TBC1D30: variants seen among roughly 807,000 people sequenced by gnomAD.
TBC1D30 encodes TBC1 domain family member 30.
Under a neutral mutation model 63.2 loss-of-function variants are expected in TBC1D30, and 31 were observed. The ratio of observed to expected loss-of-function variants is 0.49; its 90% CI spans 0.37 to 0.66. The LOEUF (loss-of-function observed/expected upper bound fraction) is 0.66. Among genes scored for constraint, TBC1D30 ranks in the 30% least tolerant of loss-of-function variants. TBC1D30 has a pLI of 0.00. For missense variants in TBC1D30, 810 were observed against 953.6 expected (o/e 0.85, Z 1.98); for synonymous variants, 307 against 361.5 (o/e 0.85, Z 1.71).
In TBC1D30 at chr12:64,879,941, AT is replaced by A. The variant is rs1879348410; in HGVS notation, c.*4154del. The A allele has an allele frequency of 1.3e-5, 2 of 152,330 alleles. No homozygotes were observed. The highest frequency in any genetic ancestry group is 3.9e-4 in the East Asian group (2 of 5,188). 9.4% of individuals were successfully genotyped at this position (152,330 alleles called of 1,614,324 possible). ...TATGCAGTAAAAGCTTTATGTGCAA[AT>A]GTTCATTGAAGTATTAAATGTACTA... On this transcript the variant is annotated 3_prime_UTR_variant, in exon 12 of 12. Coordinates refer to ENST00000539867, the MANE Select transcript of TBC1D30 (RefSeq NM_015279.2).
At chr12:64,853,061 C>T (rs760520720) in intron 8 of TBC1D30, among the ~76,000 whole-genome samples, 4 of 152,220 alleles carry the variant, frequency 2.6e-5, no homozygotes, top group South Asian at 2.1e-4. Context: ...CAGGGAGGAA[C>T]ATTTAAGTCT....
At chr12:64,827,424 TAC>T (rs1423179095) in intron 1 of TBC1D30, among the ~76,000 whole-genome samples, 2 of 152,238 alleles carry the variant, frequency 1.3e-5, no homozygotes, top group Non-Finnish European at 2.9e-5. Flanking sequence ...ATAGCCACTA[TAC>T]TTCAGCCTGG....
At chr12:64,795,067 T>G (rs1357692659) in intron 2 of TBC1D30, among the ~76,000 whole-genome samples, 1 of 152,234 alleles carries the variant, frequency 6.6e-6, no homozygotes, top group Non-Finnish European at 1.5e-5. Flanking sequence ...TGTCTGCTCA[T>G]AAGTAAGTGT....
chr12:64,821,508 A>G (rs1873885500), upstream of TBC1D30, among the ~76,000 whole-genome samples: 1 of 152,214 alleles, frequency 6.6e-6, no homozygotes, highest in Non-Finnish European at 1.5e-5. Flanking sequence ...AGATTTGAGC[A>G]TATGAGAGGT....
chr12:64,807,917 A>ATTTTTTTTTTTTTTTT (rs1175968255), intron 2 of TBC1D30, among the ~76,000 whole-genome samples: 3 of 49,508 alleles, frequency 6.1e-5, no homozygotes, highest in African/African-American at 3.9e-4. Context: ...GCCTAATTTA[A>ATTTTTTTTTTTTTTTT]GTTTTTTTTT....
At chr12:64,819,257 G>A (rs1295094237) in intron 2 of TBC1D30, among the ~76,000 whole-genome samples, 2 of 152,028 alleles carry the variant, frequency 1.3e-5, no homozygotes, top group Admixed American at 1.3e-4. Flanking sequence ...TCCCATGTAG[G>A]TAATGTGATC....
In TBC1D30 at chr12:64,864,443, C is replaced by T. The variant is rs1303796016; in HGVS notation, c.1039-225C>T. Among the ~76,000 whole-genome samples the T allele has an allele frequency of 2.0e-5, 3 of 152,164 alleles. No homozygotes were observed. The East Asian group carries it at 5.8e-4, about 29-fold the overall frequency. On this transcript the variant is annotated intron_variant, in intron 8 of 11. Coordinates refer to ENST00000539867, the MANE Select transcript of TBC1D30 (RefSeq NM_015279.2). ...CACCCTTGTTTACCAGTTGGAATGC[C>T]CAGCTGCAGCTGGGTTGATTTGAGA...
intron 7 of TBC1D30, among the ~76,000 whole-genome samples, chr12:64,841,280 G>A (rs1041750477): frequency 6.6e-6 from 1 of 152,058 alleles, no homozygotes; most frequent in African/African-American, 2.4e-5. Flanking sequence ...TCTACCTTTC[G>A]CTCACCCCAA....
intron 8 of TBC1D30, among the ~76,000 whole-genome samples, chr12:64,856,503 C>CTT (rs148366438): frequency 0.2 from 30,175 of 152,170 alleles, 8,128 homozygotes; most frequent in African/African-American, 0.61. Context: ...GGCAGAGACT[C>CTT]ATTCTTTTCC....
intron 1 of TBC1D30, among the ~76,000 whole-genome samples, chr12:64,768,946 C>T (rs570797074): frequency 9.6e-4 from 146 of 152,130 alleles, no homozygotes; most frequent in Non-Finnish European, 1.8e-3. Context: ...TGCCTGAGCT[C>T]AGGAGTTCGA....
At chr12:64,829,492 G>A (rs1251402384) in intron 3 of TBC1D30, among the ~76,000 whole-genome samples, 1 of 152,088 alleles carries the variant, frequency 6.6e-6, no homozygotes, top group South Asian at 2.1e-4. Flanking sequence ...AGTAGGTGAG[G>A]TGTGTGTGTG....
intron 1 of TBC1D30, among the ~76,000 whole-genome samples, chr12:64,762,958 G>A (rs1282503377): frequency 6.6e-6 from 1 of 152,086 alleles, no homozygotes; most frequent in African/African-American, 2.4e-5. Context: ...GGCATTTCGT[G>A]ACATTCTGCA....
chr12:64,846,955 T>C (rs1876435595), intron 8 of TBC1D30, among the ~76,000 whole-genome samples: 2 of 151,032 alleles, frequency 1.3e-5, no homozygotes, highest in Non-Finnish European at 3.0e-5. Context: ...TTGTTGCTAT[T>C]ATAAATGGGA....
chr12:64,827,035 A>G (rs1439523304), intron 1 of TBC1D30, among the ~76,000 whole-genome samples: 1 of 152,234 alleles, frequency 6.6e-6, no homozygotes, highest in Non-Finnish European at 1.5e-5. Context: ...AGTACACCTA[A>G]TCTACAATCA....
rs1301649347 is a variant in TBC1D30 at position 64,876,634 on chromosome 12, C to G, written c.*846C>G. ...CTGGCCTGCATCCCCCACCACACAGCTCACTCACCCACCAGCTCTAGACTG... is the reference window on the plus strand; with the variant it reads ...CTGGCCTGCATCCCCCACCACACAGGTCACTCACCCACCAGCTCTAGACTG... On this transcript the variant is annotated 3_prime_UTR_variant, in exon 12 of 12. Coordinates refer to ENST00000539867, the MANE Select transcript of TBC1D30 (RefSeq NM_015279.2). 5 of 376,366 alleles carry G rather than the reference C, an allele frequency of 1.3e-5. No individual in the cohort carries two copies. The highest frequency in any genetic ancestry group is 2.7e-5 in the Non-Finnish European group (5 of 187,852). The allele number at this position is 376,366 out of a possible 1,614,324, so 23.3% of individuals were successfully genotyped here.
At chr12:64,820,631 G>A (rs1873834352), upstream of TBC1D30, among the ~76,000 whole-genome samples, 2 of 152,232 alleles carry the variant, frequency 1.3e-5, no homozygotes, top group South Asian at 2.1e-4. Flanking sequence ...AGCTTGATTA[G>A]TAAAGAATAA....
In TBC1D30 at chr12:64,782,110, C is replaced by A. The variant is rs146146799; in HGVS notation, c.478+824C>A. ...CATCTGGTCATAATAGCTTGCCTTT[C>A]AGGCAGTAACACAGTTATTAGAGTT... On this transcript the variant is annotated intron_variant, in intron 1 of 12. Coordinates refer to the TBC1D30 transcript ENST00000542120. 3.7e-3 allele frequency among the ~76,000 whole-genome samples: 567 copies of A among 151,522 alleles called. 7 individuals are homozygous for A. Among genetic ancestry groups the A allele is most frequent in the African/African-American group, 0.013 (523 of 41,364 alleles).
upstream of TBC1D30, among the ~76,000 whole-genome samples, chr12:64,778,483 G>A (rs1305430245): frequency 6.7e-6 from 1 of 149,810 alleles, no homozygotes; most frequent in Non-Finnish European, 1.5e-5. Flanking sequence ...GAGAACTAAG[G>A]AAAACCTGGG....
chr12:64,785,820 C>A, intron 1 of TBC1D30: 1 of 1,215,110 alleles, frequency 8.2e-7, no homozygotes, highest in Non-Finnish European at 1.1e-6. Flanking sequence ...ACTAATATCA[C>A]ACTGGAATTT....
Sources: allele counts gnomAD v4.1 joint callset (sites outside exome capture counted in the v4.1 genomes callset), GRCh38; gene constraint gnomAD v4.1.1; transcripts MANE v1.5; gene names NCBI Gene and HGNC (gene_info 2026-07-23, HGNC 2026-07-21).